Variants in TAF1A observed in about 807,000 individuals in gnomAD.
The protein encoded by TAF1A is TATA-box binding protein associated factor, RNA polymerase I subunit A.
Under a neutral mutation model 61.6 loss-of-function variants are expected in TAF1A, and 42 were observed. That is an observed-to-expected ratio of 0.68 (90% CI 0.53 to 0.88). The LOEUF is 0.88. Ranked by LOEUF, TAF1A falls within the 40% of genes least tolerant of loss-of-function variation. The pLI is 0.00. For synonymous variants in TAF1A, 179 were observed against 177.7 expected (o/e 1.01, Z -0.06); for missense variants, 424 against 518.7 (o/e 0.82, Z 1.77).
At chr1:222,556,778 A>C (rs1300728849), downstream of TAF1A, among the ~76,000 whole-genome samples, 2 of 152,218 alleles carry the variant, frequency 1.3e-5, no homozygotes, top group African/African-American at 4.8e-5. Context: ...ATTTTCTTAG[A>C]GATCAAGAGA....
intron 5 of TAF1A, among the ~76,000 whole-genome samples, chr1:222,571,666 CAA>C (rs1490926822): frequency 6.6e-6 from 1 of 151,646 alleles, no homozygotes; most frequent in Non-Finnish European, 1.5e-5. Context: ...AGAAATTTTA[CAA>C]AAGAGATGCA....
At chr1:222,574,072 T>C (rs1241205769) in intron 5 of TAF1A, among the ~76,000 whole-genome samples, 5 of 151,838 alleles carry the variant, frequency 3.3e-5, no homozygotes, top group South Asian at 2.1e-4. Flanking sequence ...GGCAAATCTC[T>C]AGAGGCAGAA....
rs201594965 is a variant in TAF1A, at chr1:222,570,635, G to T, written c.635C>A (p.Ala212Asp). ...CCAGCTGTGGTTGAACACATCCTGG[G>T]CTACTGCATTGTAAGCATAATCATC... ...DKDDYAYNAV[A>D]QDVFNHSWKT... The change falls in exon 6 of 11, where the codon GCC (alanine) becomes GAC (aspartate). Residue 212 changes from alanine to aspartate, a missense_variant. Coordinates refer to ENST00000352967, the MANE Select transcript of TAF1A (RefSeq NM_005681.4). The T allele has an allele frequency of 6.2e-7, 1 of 1,610,942 alleles. No individual in the cohort carries two copies. Among genetic ancestry groups the T allele is most frequent in the Admixed American group, 1.7e-5 (1 of 59,970 alleles).
chr1:222,564,390 T>C (rs1390560864), intron 7 of TAF1A, among the ~76,000 whole-genome samples: 1 of 149,832 alleles, frequency 6.7e-6, no homozygotes, highest in African/African-American at 2.4e-5. Flanking sequence ...AGGGACTTTT[T>C]ATTTGCTCCT....
chr1:222,570,818 C>T (rs919554789), intron 5 of TAF1A, among the ~76,000 whole-genome samples, 153 bp from the exon 6 acceptor site: 1 of 152,154 alleles, frequency 6.6e-6, no homozygotes, highest in Non-Finnish European at 1.5e-5. Context: ...ACTAATTCTT[C>T]ACAAATTCTC....
At chr1:222,573,604 G>A (rs1308185335) in intron 5 of TAF1A, among the ~76,000 whole-genome samples, 1 of 152,192 alleles carries the variant, frequency 6.6e-6, no homozygotes, top group Non-Finnish European at 1.5e-5. Context: ...ATAATGGCAA[G>A]TGTTGGTGAG....
At position 222,584,257 on chromosome 1, in the gene TAF1A, T is replaced by C. The variant is rs1211161588; in HGVS notation, c.162A>G (p.Thr54=). 2.5e-6 allele frequency: 4 copies of C among 1,610,480 alleles called. No homozygotes were observed. The highest frequency in any genetic ancestry group is 3.4e-6 in the Non-Finnish European group (4 of 1,179,186). Residue 54 remains threonine, a synonymous_variant, in exon 3 of 11, where the codon ACA becomes ACG. Coordinates refer to ENST00000352967, the MANE Select transcript of TAF1A (RefSeq NM_005681.4). ...CTTGGATAAAACTTAAACAAGCACT[T>C]GTTGTCTGAGCAAAATCCTTCCTCC... ...GKRRKDFAQT[T]SACLSFIQEA...
chr1:222,588,681 C>T, intron 1 of TAF1A, 116 bp from the exon 2 acceptor site: 1 of 1,083,452 alleles, frequency 9.2e-7, no homozygotes, highest in Non-Finnish European at 1.3e-6. Context: ...TAGCAAAATG[C>T]ATTATACCTG....
In TAF1A at chr1:222,580,772, G is replaced by GA. The variant is rs1342818280; in HGVS notation, c.292-901dup. Among the ~76,000 whole-genome samples the GA allele has an allele frequency of 0.011, 848 of 74,970 alleles. 17 individuals are homozygous for GA. In the East Asian group the frequency reaches 0.18, roughly 16 times the overall value. The allele number at this position is 74,970 out of a possible 152,430, so 49.2% of individuals were successfully genotyped here. On this transcript the variant is annotated intron_variant, in intron 3 of 10. Coordinates refer to ENST00000352967, the MANE Select transcript of TAF1A (RefSeq NM_005681.4). The stretch of plus-strand genomic sequence containing the variant: ...AAATGCAGGGGGGGAAGAAAAGCAG[G>GA]AAAAAAAAAAAAAAGAAAACTTTGA...
At chr1:222,583,426 GA>G (rs71175170) in intron 3 of TAF1A, among the ~76,000 whole-genome samples, 6 of 148,734 alleles carry the variant, frequency 4.0e-5, no homozygotes, top group East Asian at 1.9e-4. Context: ...TTGATAAAAC[GA>G]AAAAAAAAAG....
intron 10 of TAF1A, 23 bp downstream of exon 10, chr1:222,561,341 T>C: frequency 1.3e-6 from 2 of 1,589,608 alleles, no homozygotes; most frequent in Non-Finnish European, 1.7e-6. Flanking sequence ...TGTGTCTAGA[T>C]AAAACGAAAA....
At chr1:222,571,164 G>C (rs550604899) in intron 5 of TAF1A, among the ~76,000 whole-genome samples, 1 of 152,032 alleles carries the variant, frequency 6.6e-6, no homozygotes, top group East Asian at 1.9e-4. Context: ...CACAGAAAAA[G>C]CATCTGAAAA....
At chr1:222,585,202 A>G (rs1660961820) in intron 2 of TAF1A, among the ~76,000 whole-genome samples, 1 of 152,212 alleles carries the variant, frequency 6.6e-6, no homozygotes, top group Admixed American at 6.5e-5. Context: ...ACTGCAGAAC[A>G]ACGTAATTTT....
At chr1:222,562,940 T>C (rs1414737928) in intron 9 of TAF1A, among the ~76,000 whole-genome samples, 3 of 152,178 alleles carry the variant, frequency 2.0e-5, no homozygotes, top group African/African-American at 7.2e-5. Context: ...CAAGCAGTAG[T>C]GCTAAGTACA....
At chr1:222,572,180 C>G (rs1452472698) in intron 5 of TAF1A, among the ~76,000 whole-genome samples, 2 of 144,282 alleles carry the variant, frequency 1.4e-5, no homozygotes, top group African/African-American at 5.3e-5. Flanking sequence ...GATCCTGCCA[C>G]TATACTCCAG....
rs544087145 is a variant in TAF1A at position 222,573,515 on chromosome 1, T to C, written c.605-2850A>G. On this transcript the variant is annotated intron_variant, in intron 5 of 10. Coordinates refer to ENST00000352967, the MANE Select transcript of TAF1A (RefSeq NM_005681.4). ...GCACATGAAAAGATGCTCAACATCA[T>C]TAACACCCAGGAAAATGCAAATCAA... 4.6e-5 allele frequency among the ~76,000 whole-genome samples: 7 copies of C among 152,266 alleles called. No homozygotes were observed. The South Asian group carries it at 1.5e-3, about 32-fold the overall frequency.
intron 2 of TAF1A, among the ~76,000 whole-genome samples, 173 bp downstream of exon 2, chr1:222,588,270 A>G (rs1384891376): frequency 1.3e-5 from 2 of 152,220 alleles, no homozygotes; most frequent in Non-Finnish European, 2.9e-5. Context: ...ATCTATTATT[A>G]ATCCAAGGGC....
chr1:222,577,543 G>T lies in TAF1A; in HGVS notation c.506C>A (p.Thr169Lys). ...GTTGATTAATATTTCCCGGGAAGAC[G>T]TATTTTCACCATGTCTCCATGTCTC... ...EAETWRHGEN[T>K]SSREILINLI... is the part of the protein sequence containing the mutation. The change falls in exon 5 of 11, where the codon ACG (threonine) becomes AAG (lysine). Residue 169 changes from threonine to lysine, a missense_variant. By Grantham distance (78) the Thr-to-Lys change is moderately conservative. Coordinates refer to ENST00000352967, the MANE Select transcript of TAF1A (RefSeq NM_005681.4). 6.2e-7 allele frequency: 1 copy of T among 1,613,728 alleles called. No individual in the cohort carries two copies.
Position 222,577,475 on chromosome 1 carries a change from A to T in TAF1A, c.574T>A (p.Ser192Thr), listed in dbSNP as rs1339398231. 6.2e-7 allele frequency: 1 copy of T among 1,613,878 alleles called. No individual in the cohort carries two copies. The highest frequency in any genetic ancestry group is 8.5e-7 in the Non-Finnish European group (1 of 1,179,858). Residue 192 changes from serine (S) to threonine (T), a missense_variant, in exon 5 of 11, where the codon TCT becomes ACT. Coordinates refer to ENST00000352967, the MANE Select transcript of TAF1A (RefSeq NM_005681.4). ...TTTGACAATTCCATCTTCTTTTCAGACCAGGTATAATACTGTAAAAGCCCT... is the reference window on the plus strand; with the variant it reads ...TTTGACAATTCCATCTTCTTTTCAGTCCAGGTATAATACTGTAAAAGCCCT... The part of the protein sequence containing the change: ...YKGLLQYYTW[S>T]EKKMELSKLD...
Sources: allele counts gnomAD v4.1 joint callset (sites outside exome capture counted in the v4.1 genomes callset), GRCh38; gene constraint gnomAD v4.1.1; transcripts MANE v1.5; gene names NCBI Gene and HGNC (gene_info 2026-07-23, HGNC 2026-07-21).